Variants in THOC1 observed in about 807,000 individuals in gnomAD.
The protein encoded by THOC1 is THO complex subunit 1.
In THOC1, 29 loss-of-function variants were observed where a neutral mutation model predicts 97.3. The observed-to-expected ratio is 0.30, with a 90% confidence interval of 0.22 to 0.41. The LOEUF (loss-of-function observed/expected upper bound fraction) is 0.41. Among genes scored for constraint, THOC1 ranks in the 10% least tolerant of loss-of-function variants. THOC1 has a pLI of 1.00. For synonymous variants in THOC1, 255 were observed against 257.0 expected, an observed-to-expected ratio of 0.99 and a Z score of 0.07; for missense variants, 529 against 761.9, an observed-to-expected ratio of 0.69 and a Z score of 3.60.
At chr18:218,814 A>T in intron 18 of THOC1, 72 bp downstream of exon 18, 2 of 1,279,702 alleles carry the variant, frequency 1.6e-6, no homozygotes, top group Non-Finnish European at 1.1e-6. Flanking sequence ...GAGGCTTTCT[A>T]GTATACACAC....
chr18:265,160 G>C, intron 3 of THOC1, 143 bp downstream of exon 3: 1 of 661,566 alleles, frequency 1.5e-6, no homozygotes, highest in Non-Finnish European at 2.5e-6. Flanking sequence ...AAATCGTATA[G>C]TCATCAAGTC....
At position 224,184 on chromosome 18, in the gene THOC1, C is replaced by T. The variant is rs631343; in HGVS notation, c.1209-5G>A. 1.3e-6 allele frequency: 2 copies of T among 1,594,978 alleles called. No homozygotes were observed. Among genetic ancestry groups the T allele is most frequent in the African/African-American group, 1.3e-5 (1 of 74,704 alleles). On this transcript the variant is annotated splice_polypyrimidine_tract_variant and splice_region_variant and intron_variant, in intron 15 of 20. Coordinates refer to ENST00000261600, the MANE Select transcript of THOC1 (RefSeq NM_005131.3). The stretch of plus-strand genomic sequence containing the variant: ...GTAGGTTTGGTATCTGATGTTCTGT[C>T]GTGAACAAAACATACACTATTTTTT...
intron 9 of THOC1, 21 bp from the exon 10 acceptor site, chr18:247,978 T>C: frequency 7.4e-7 from 1 of 1,349,230 alleles, no homozygotes. Flanking sequence ...AAACGTTATA[T>C]TAAATAAATC....
intron 6 of THOC1, 92 bp from the exon 7 acceptor site, chr18:259,367 A>C: frequency 9.3e-7 from 1 of 1,075,580 alleles, no homozygotes; most frequent in Non-Finnish European, 1.3e-6. Flanking sequence ...GTGTGTCAAG[A>C]GTATTTTCCT....
intron 4 of THOC1, among the ~76,000 whole-genome samples, chr18:262,757 G>C (rs542918752): frequency 6.6e-6 from 1 of 152,258 alleles, no homozygotes; most frequent in South Asian, 2.1e-4. Flanking sequence ...CCTATACTGG[G>C]AGGTGTGTGC....
At chr18:226,982 T>C (rs1030716713) in intron 11 of THOC1, 81 bp from the exon 12 acceptor site, 11 of 1,079,520 alleles carry the variant, frequency 1.0e-5, no homozygotes, top group African/African-American at 3.2e-5. Flanking sequence ...TGTGCTAATA[T>C]AGAAATGGAA....
chr18:221,087 C>G (rs976530777), intron 17 of THOC1, among the ~76,000 whole-genome samples: 12 of 152,030 alleles, frequency 7.9e-5, no homozygotes, highest in African/African-American at 2.7e-4. Flanking sequence ...TCCATTATGA[C>G]TTCTTTGATT....
In THOC1 at chr18:246,252, A is replaced by C. The variant is rs1013426729; in HGVS notation, c.918+72T>G. Reference sequence around the variant, plus strand: ...ACATTTCTATTCAGTTTAACTTAGAAAGGCTGTCAGCTAAACGGAAATAAA... The same window carrying C: ...ACATTTCTATTCAGTTTAACTTAGACAGGCTGTCAGCTAAACGGAAATAAA... On this transcript the variant is annotated intron_variant, in intron 11 of 20. Transcript: ENST00000261600. The C allele has an allele frequency of 5.1e-6, 6 of 1,166,314 alleles. No individual in the cohort carries two copies. The Admixed American group carries it at 1.4e-4, about 27-fold the overall frequency. 72.2% of individuals were successfully genotyped at this position (1,166,314 alleles called of 1,614,324 possible). A position where few individuals can be genotyped will look rare whatever the true frequency, so the allele number is the denominator to read the frequency against.
chr18:254,217 A>G lies in THOC1; in HGVS notation c.603+56T>C, dbSNP rs1391868084. 2.4e-6 allele frequency: 3 copies of G among 1,261,474 alleles called. No individual in the cohort carries two copies. In the African/African-American group the frequency reaches 4.5e-5, roughly 19 times the overall value. 78.1% of individuals were successfully genotyped at this position (1,261,474 alleles called of 1,614,324 possible). On this transcript the variant is annotated intron_variant, in intron 8 of 20. Transcript: ENST00000261600. This position sits in a 1 kb window ranked among gnomAD's most constrained non-coding sequence, Gnocchi z 4.1. ...GTGAGCCACTGTGCCTGGACCCACT[A>G]TCTTAATAACAAACTTGCAAATATG...
At chr18:217,037 G>A (rs1026789414) in intron 18 of THOC1, among the ~76,000 whole-genome samples, 5 of 152,184 alleles carry the variant, frequency 3.3e-5, no homozygotes, top group African/African-American at 1.2e-4. Flanking sequence ...TGATCAGGGT[G>A]GTATACCATC....
At chr18:265,255 G>A in intron 3 of THOC1, 48 bp downstream of exon 3, 1 of 1,447,904 alleles carries the variant, frequency 6.9e-7, no homozygotes, top group Non-Finnish European at 9.3e-7. Flanking sequence ...AAATAACATG[G>A]TTTATTAATT....
chr18:219,765 A>G (rs923695611), intron 17 of THOC1, among the ~76,000 whole-genome samples: 10 of 152,212 alleles, frequency 6.6e-5, no homozygotes, highest in Non-Finnish European at 1.3e-4. Flanking sequence ...TTTGAATTTT[A>G]CCAGCAAATA....
Position 215,649 on chromosome 18 carries a change from G to C in THOC1, c.1603-145C>G, listed in dbSNP as rs1910854619. 4 of 628,594 alleles carry C rather than the reference G, an allele frequency of 6.4e-6. No homozygotes were observed. In the South Asian group the frequency reaches 7.6e-5, roughly 12 times the overall value. 38.9% of individuals were successfully genotyped at this position (628,594 alleles called of 1,614,324 possible). A position where few individuals can be genotyped will look rare whatever the true frequency, so the allele number is the denominator to read the frequency against. ...CTGAGAGCGTTAAATGACAGTGTCA[G>C]GTAAGGATCCTAAGTGGGACTATCT... On this transcript the variant is annotated intron_variant, in intron 19 of 20. Transcript: ENST00000261600.
chr18:258,675 C>T (rs1177710236), intron 7 of THOC1, among the ~76,000 whole-genome samples: 1 of 152,096 alleles, frequency 6.6e-6, no homozygotes, highest in African/African-American at 2.4e-5. Flanking sequence ...TTTGAACATA[C>T]TGGGGAGGCG....
rs1384502868 is a variant in THOC1, at chr18:254,391, C to T, written c.521-36G>A. ...AACAAAAAAAAGATGCAAAGCAAGT[C>T]CAGTGACACCTAAACTTATGTATAA... On this transcript the variant is annotated intron_variant, in intron 7 of 20. Coordinates refer to ENST00000261600, the MANE Select transcript of THOC1 (RefSeq NM_005131.3). The surrounding 1 kb of genome is among the most constrained non-coding windows in gnomAD (Gnocchi z 4.1). 2 of 1,271,628 alleles carry T rather than the reference C, an allele frequency of 1.6e-6. No homozygotes were observed. Among genetic ancestry groups the T allele is most frequent in the South Asian group, 2.6e-5 (2 of 78,398 alleles). 78.8% of individuals were successfully genotyped at this position (1,271,628 alleles called of 1,614,324 possible).
chr18:263,173 C>T (rs1443424871), intron 4 of THOC1, among the ~76,000 whole-genome samples: 5 of 152,278 alleles, frequency 3.3e-5, no homozygotes, highest in South Asian at 2.1e-4. Flanking sequence ...CTCCGCCTCC[C>T]GGGTTCACAC....
At chr18:235,434 CTCTT>C (rs967545407) in intron 11 of THOC1, among the ~76,000 whole-genome samples, 3 of 152,030 alleles carry the variant, frequency 2.0e-5, no homozygotes, top group African/African-American at 4.8e-5. Context: ...CAATTTGTCA[CTCTT>C]TCTTGACATT....
intron 17 of THOC1, among the ~76,000 whole-genome samples, chr18:220,592 A>G (rs1015587050): frequency 2.6e-5 from 4 of 152,168 alleles, no homozygotes; most frequent in African/African-American, 7.2e-5. Context: ...AAATTACTGA[A>G]TCTCTTAGCT....
At chr18:221,168 C>T (rs1326290345) in intron 17 of THOC1, among the ~76,000 whole-genome samples, 1 of 152,112 alleles carries the variant, frequency 6.6e-6, no homozygotes, top group Non-Finnish European at 1.5e-5. Context: ...ACATAATTTA[C>T]AAAAACTTGT....
Sources: allele counts gnomAD v4.1 joint callset (sites outside exome capture counted in the v4.1 genomes callset), GRCh38; gene constraint gnomAD v4.1.1; non-coding constraint Gnocchi (gnomAD v3.1); transcripts MANE v1.5; gene names NCBI Gene and HGNC (gene_info 2026-07-23, HGNC 2026-07-21).